The following TCEANC variants were observed in gnomAD, a reference collection of about 807,000 sequenced individuals.
TCEANC encodes transcription elongation factor A N-terminal and central domain containing, also known as transcription elongation factor A N-terminal and central domain-containing protein.
A neutral mutation model predicts 8.7 loss-of-function variants in TCEANC; 8 were observed. The observed-to-expected ratio is 0.92, with a 90% CI of 0.54 to 1.65. The LOEUF (loss-of-function observed/expected upper bound fraction) is 1.65, where lower values mean the gene tolerates loss of function less well. Among genes scored for constraint, TCEANC ranks in the 40% most tolerant of loss-of-function variants. The pLI is 0.00. For synonymous variants in TCEANC, 78 were observed against 92.9 expected (o/e 0.84, Z 0.92); for missense variants, 255 against 251.9 (o/e 1.01, Z -0.08).
chrX:13,662,848 A>T, exon 2 of TCEANC: 1 of 1,211,777 alleles, frequency 8.3e-7, no homozygotes, highest in Non-Finnish European at 1.1e-6. Flanking sequence ...TCAGAATGAG[A>T]CACTGGGCAT....
intron 1 of TCEANC, among the ~76,000 whole-genome samples, chrX:13,662,210 G>A (rs1277955728): frequency 9.0e-6 from 1 of 111,712 alleles, no homozygotes; most frequent in Admixed American, 9.5e-5. Context: ...TTGTAAAATT[G>A]GAGGTGGAAA....
exon 2 of TCEANC, chrX:13,663,222 T>C (rs773488733): frequency 9.1e-6 from 11 of 1,205,797 alleles, no homozygotes; most frequent in Non-Finnish European, 1.1e-6. Context: ...GAAATTCTCA[T>C]TTACAACAAA....
chrX:13,655,278 C>G (rs1185544710), upstream of TCEANC: 1 of 112,119 alleles, frequency 8.9e-6, no homozygotes, highest in African/African-American at 3.3e-5. Context: ...AAGCCATTAT[C>G]TGTATTGCAG....
At chrX:13,654,526 A>G (rs7887035), upstream of TCEANC, among the ~76,000 whole-genome samples, 160 of 112,848 alleles carry the variant, frequency 1.4e-3, no homozygotes, top group African/African-American at 4.9e-3. Context: ...CTGTAGAACA[A>G]TGCCTGGTTT....
At chrX:13,655,420 A>T (rs1250629202) in intron 1 of TCEANC, 47 bp downstream of exon 2, 1 of 112,542 alleles carries the variant, frequency 8.9e-6, no homozygotes, top group Non-Finnish European at 1.9e-5. Flanking sequence ...TATGACACTT[A>T]AAATATTACA....
chrX:13,664,172 G>A (rs762153387), exon 2 of TCEANC: 2 of 123,350 alleles, frequency 1.6e-5, no homozygotes, highest in South Asian at 7.5e-4. Context: ...TCTAAGACAA[G>A]AATGTTATTC....
At chrX:13,664,118 G>C (rs1217590454) in exon 2 of TCEANC, 1 of 123,370 alleles carries the variant, frequency 8.1e-6, no homozygotes, top group African/African-American at 3.3e-5. Context: ...AGTCAGAGTT[G>C]AGAACTACTC....
At chrX:13,663,565 C>T (rs1462627096) in exon 2 of TCEANC, 1 of 1,123,903 alleles carries the variant, frequency 8.9e-7, no homozygotes, top group Non-Finnish European at 1.2e-6. Context: ...GTGCTGGTAA[C>T]TGTAAATCAG....
At chrX:13,655,976 G>A (rs1485636061) in intron 1 of TCEANC, among the ~76,000 whole-genome samples, 2 of 112,555 alleles carry the variant, frequency 1.8e-5, no homozygotes, top group African/African-American at 6.5e-5. Flanking sequence ...CCTCTCAAGG[G>A]CTTTCAGCAG....
chrX:13,658,208 G>A (rs368328400), intron 1 of TCEANC, among the ~76,000 whole-genome samples: 4 of 112,052 alleles, frequency 3.6e-5, no homozygotes, highest in African/African-American at 9.7e-5. Flanking sequence ...TTCTTGGGGG[G>A]TGGTGGCACA....
At chrX:13,655,894 GAGGGAGGCCTGCT>G (rs377513440) in intron 1 of TCEANC, among the ~76,000 whole-genome samples, 3 of 112,767 alleles carry the variant, frequency 2.7e-5, no homozygotes, top group African/African-American at 9.7e-5. Context: ...GAGTAGTCAA[GAGGGAGGCCTGCT>G]AGGGCTCTTT....
At chrX:13,663,328 A>G in exon 2 of TCEANC, 1 of 1,196,472 alleles carries the variant, frequency 8.4e-7, no homozygotes. Context: ...AGCCTCCTAC[A>G]CGGAATCTTG....
At chrX:13,657,140 A>G (rs1350279210) in intron 1 of TCEANC, among the ~76,000 whole-genome samples, 1 of 112,535 alleles carries the variant, frequency 8.9e-6, no homozygotes, top group Non-Finnish European at 1.9e-5. Flanking sequence ...GTGTTTAGAG[A>G]GAGAATTCAC....
At chrX:13,659,974 C>T (rs1183314106) in intron 1 of TCEANC, among the ~76,000 whole-genome samples, 1 of 111,715 alleles carries the variant, frequency 9.0e-6, no homozygotes, top group Non-Finnish European at 1.9e-5. Context: ...TGTACATTCT[C>T]GTTCCAGAGG....
intron 1 of TCEANC, among the ~76,000 whole-genome samples, 177 bp downstream of exon 4, chrX:13,661,299 A>G (rs2045965029): frequency 8.9e-6 from 1 of 112,267 alleles, no homozygotes; most frequent in African/African-American, 3.2e-5. Flanking sequence ...ATTTTTAACC[A>G]TTCTCCATTT....
chrX:13,657,688 A>G (rs1364254999), intron 1 of TCEANC, among the ~76,000 whole-genome samples: 2 of 110,132 alleles, frequency 1.8e-5, no homozygotes, highest in African/African-American at 6.6e-5. Flanking sequence ...CATGCCTGTA[A>G]TCCTAGCTAC....
rs775582475 is a variant in TCEANC at position 13,662,829 on chromosome X, T to C, written c.321T>C (p.His107=). The C allele has an allele frequency of 5.0e-6, 6 of 1,210,269 alleles. No individual in the cohort carries two copies. In the Admixed American group the frequency reaches 1.3e-4, roughly 26 times the overall value. Residue 107 remains histidine (H), a synonymous_variant, in exon 2 of 2, where the codon CAT becomes CAC. Transcript: ENST00000380600. Reference sequence around the variant, plus strand: ...AAGAAGAAAATTCAGGACCTTCTCATGACCCAAGTCAGAATGAGACACTGG... The same window carrying C: ...AAGAAGAAAATTCAGGACCTTCTCACGACCCAAGTCAGAATGAGACACTGG...
upstream of TCEANC, among the ~76,000 whole-genome samples, chrX:13,654,243 C>G (rs1488563562): frequency 8.9e-6 from 1 of 112,622 alleles, no homozygotes; most frequent in Admixed American, 9.3e-5. Context: ...AATTTTAAAT[C>G]ATATTTGTGG....
chrX:13,654,636 T>C (rs1199676284), upstream of TCEANC, among the ~76,000 whole-genome samples: 1 of 112,068 alleles, frequency 8.9e-6, no homozygotes. Flanking sequence ...AGACTTTCAT[T>C]TAATTCTCAT....
Sources: gnomAD v4.1 joint callset for allele counts (sites outside exome capture counted in the v4.1 genomes callset) on GRCh38, gnomAD v4.1.1 for gene constraint, MANE v1.5 for transcripts, NCBI Gene and HGNC (gene_info 2026-07-23, HGNC 2026-07-21) for gene names.